The following RNF215 variants were observed in gnomAD, a reference collection of about 807,000 sequenced individuals.
The protein encoded by RNF215 is ring finger protein 215.
A neutral mutation model predicts 44.8 loss-of-function variants in RNF215; 41 were observed. That is an observed-to-expected ratio of 0.92 (90% CI 0.71 to 1.19). The LOEUF is 1.19. Among genes scored for constraint, RNF215 ranks in the 50% most tolerant of loss-of-function variants. The probability of loss-of-function intolerance (pLI) is 0.00; values close to 1 mark genes in which losing one functional copy is unlikely to be tolerated. For missense variants in RNF215, 452 were observed against 496.2 expected (o/e 0.91, Z 0.85); for synonymous variants, 218 against 230.1 (o/e 0.95, Z 0.48).
At chr22:30,382,404 CAAA>C (rs796940204) in intron 5 of RNF215, among the ~76,000 whole-genome samples, 23 of 65,740 alleles carry the variant, frequency 3.5e-4, no homozygotes, top group Admixed American at 3.0e-3. Context: ...AACTCTGTCT[CAAA>C]AAAAAAAAAA....
In RNF215 at chr22:30,379,818, A is replaced by G; in HGVS notation, c.1009-5T>C. 1 of 1,573,854 alleles carries G rather than the reference A, an allele frequency of 6.4e-7. No individual in the cohort carries two copies. Among genetic ancestry groups the G allele is most frequent in the Non-Finnish European group, 8.6e-7 (1 of 1,161,536 alleles). ...ACAGGGCAGCACCCGGAGCCACTAC[A>G]GGGGTGGGGGAGGAAGGGCTCAGGT... On this transcript the variant is annotated splice_polypyrimidine_tract_variant and splice_region_variant and intron_variant, in intron 7 of 8. Coordinates refer to ENST00000382363, the MANE Select transcript of RNF215 (RefSeq NM_001017981.2).
At chr22:30,385,785 C>CAAAA in intron 4 of RNF215, 119 bp downstream of exon 4, 1 of 707,104 alleles carries the variant, frequency 1.4e-6, no homozygotes, top group Non-Finnish European at 2.3e-6. Flanking sequence ...TACTCCATCT[C>CAAAA]AAAAAAAAAA....
rs748838851 is a variant in RNF215 at position 30,380,440 on chromosome 22, C to A, written c.745-39G>T. On this transcript the variant is annotated intron_variant, in intron 5 of 8. Transcript: ENST00000382363. The surrounding 1 kb of genome is among the most constrained non-coding windows in gnomAD (Gnocchi z 5.3). ...CAGTCATCAGGGACATGGGGCCACC[C>A]CCACACGCCTCCCTTAGGAACATCT... is the stretch of plus-strand genomic sequence containing the variant. The A allele has an allele frequency of 1.9e-6, 3 of 1,564,120 alleles. No individual in the cohort carries two copies. Among genetic ancestry groups the A allele is most frequent in the African/African-American group, 2.7e-5 (2 of 73,418 alleles).
intron 5 of RNF215, 23 bp downstream of exon 5, chr22:30,384,316 C>T (rs944342969): frequency 2.5e-5 from 40 of 1,604,828 alleles, no homozygotes; most frequent in Non-Finnish European, 3.4e-5. Flanking sequence ...TCCCTAGGCC[C>T]CATGTAATCT....
At position 30,380,135 on chromosome 22, in the gene RNF215, C is replaced by A. The variant is rs1166692534; in HGVS notation, c.935G>T (p.Arg312Met). ...CGGATCTGGGAGGCCCTGCGCTGCCCTGCTCAGCCGGCAGCGCCGTGTCTT... is the reference window on the plus strand; with the variant it reads ...CGGATCTGGGAGGCCCTGCGCTGCCATGCTCAGCCGGCAGCGCCGTGTCTT... ...SLKTRRCRLS[R>M]AAQGLPDPGA... The change falls in exon 7 of 9, where the codon AGG becomes ATG. Residue 312 changes from arginine to methionine, a missense_variant. Physicochemically the swap from Arg to Met is moderately conservative, Grantham distance 91 (BLOSUM62 -1). Coordinates refer to ENST00000382363, the MANE Select transcript of RNF215 (RefSeq NM_001017981.2). This position sits in a 1 kb window ranked among gnomAD's most constrained non-coding sequence, Gnocchi z 5.3. The A allele has an allele frequency of 1.2e-6, 2 of 1,613,884 alleles. No individual in the cohort carries two copies. Among genetic ancestry groups the A allele is most frequent in the Admixed American group, 1.7e-5 (1 of 60,028 alleles).
At position 30,384,441 on chromosome 22, in the gene RNF215, G is replaced by A. The variant is rs374774110; in HGVS notation, c.642C>T (p.Ile214=). The A allele has an allele frequency of 2.4e-5, 39 of 1,613,914 alleles. No individual in the cohort carries two copies. The highest frequency in any genetic ancestry group is 2.9e-5 in the Non-Finnish European group (34 of 1,179,966). The stretch of plus-strand genomic sequence containing the variant: ...TGGTCCACAAGGTCAACTTCCACTC[G>A]ATATTGGCAGACAGGGACTCTCCGC... The part of the protein sequence containing the change: ...ITSGESLSAN[I]EWKLTLWTTC... The change falls in exon 5 of 9, where the codon ATC becomes ATT. Residue 214 remains isoleucine, a synonymous_variant. Transcript: ENST00000382363.
chr22:30,381,932 G>A (rs1366033013), intron 5 of RNF215, among the ~76,000 whole-genome samples: 1 of 152,146 alleles, frequency 6.6e-6, no homozygotes, highest in Non-Finnish European at 1.5e-5. Flanking sequence ...AGGGTGCCGG[G>A]GCCACCACCA....
In RNF215 at chr22:30,384,019, A is replaced by G. The variant is rs145964777; in HGVS notation, c.744+320T>C. ...GAGCATAGGAAAAAGGACTAGAAAA[A>G]TAGAGTGAGTGAGTGATGCAGAGAG... On this transcript the variant is annotated intron_variant, in intron 5 of 8. Transcript: ENST00000382363. 2.3e-3 allele frequency among the ~76,000 whole-genome samples: 355 copies of G among 152,326 alleles called. 1 individual carries two copies. Among genetic ancestry groups the G allele is most frequent in the Non-Finnish European group, 4.3e-3 (294 of 68,030 alleles).
chr22:30,383,228 T>C (rs1468023126), intron 5 of RNF215, among the ~76,000 whole-genome samples: 2 of 152,096 alleles, frequency 1.3e-5, no homozygotes, highest in Non-Finnish European at 1.5e-5. Flanking sequence ...TTAGTGGCCA[T>C]GGCCACCCAA....
intron 5 of RNF215, among the ~76,000 whole-genome samples, chr22:30,384,021 A>T (rs892629418): frequency 2.0e-5 from 3 of 152,200 alleles, no homozygotes; most frequent in African/African-American, 4.8e-5. Context: ...CTAGAAAAAT[A>T]GAGTGAGTGA....
chr22:30,379,826 G>C lies in RNF215; in HGVS notation c.1009-13C>G, dbSNP rs202192504. 3.8e-6 allele frequency: 6 copies of C among 1,573,276 alleles called. No individual in the cohort carries two copies. The Admixed American group carries it at 1.1e-4, about 30-fold the overall frequency. On this transcript the variant is annotated splice_polypyrimidine_tract_variant and intron_variant, in intron 7 of 8. Transcript: ENST00000382363. ...GCACCCGGAGCCACTACAGGGGTGG[G>C]GGAGGAAGGGCTCAGGTCACCGAAG...
chr22:30,380,374 T>A lies in RNF215; in HGVS notation c.772A>T (p.Ile258Phe), dbSNP rs760995860. Residue 258 changes from isoleucine to phenylalanine, a missense_variant, in exon 6 of 9, where the codon ATC becomes TTC. Coordinates refer to ENST00000382363, the MANE Select transcript of RNF215 (RefSeq NM_001017981.2). This position sits in a 1 kb window ranked among gnomAD's most constrained non-coding sequence, Gnocchi z 5.3. ...QKPLQQLWNAILLVAMLLCTG... is the reference protein window; with the variant it reads ...QKPLQQLWNAFLLVAMLLCTG... ...CACAGGAGCATGGCCACCAGCAGGA[T>A]GGCGTTCCACAGCTGCTGCAGGGGT... 2.5e-6 allele frequency: 4 copies of A among 1,609,044 alleles called. No individual in the cohort carries two copies. The highest frequency in any genetic ancestry group is 1.3e-5 in the African/African-American group (1 of 74,772).
chr22:30,385,870 G>T (rs762003319), intron 4 of RNF215, 34 bp downstream of exon 4: 1 of 1,595,914 alleles, frequency 6.3e-7, no homozygotes, highest in Non-Finnish European at 8.6e-7. Context: ...TCTGTACCCA[G>T]GGTCAGTCCT....
chr22:30,380,262 T>A lies in RNF215; in HGVS notation c.864+20A>T. ...GTCCAAGGGCTGAGGGTGCTGGGGC[T>A]CCCTGGGGCTGGCTCCCACCTGGCC... On this transcript the variant is annotated intron_variant, in intron 6 of 8. Transcript: ENST00000382363. The surrounding 1 kb of genome is among the most constrained non-coding windows in gnomAD (Gnocchi z 5.3). 1 of 1,610,676 alleles carries A rather than the reference T, an allele frequency of 6.2e-7. No homozygotes were observed. The highest frequency in any genetic ancestry group is 8.5e-7 in the Non-Finnish European group (1 of 1,178,068).
chr22:30,384,741 G>C (rs556030980), intron 4 of RNF215: 27 of 398,600 alleles, frequency 6.8e-5, no homozygotes, highest in Non-Finnish European at 1.1e-4. Flanking sequence ...CCACTTCCTT[G>C]CTCCAAGCTC....
intron 5 of RNF215, among the ~76,000 whole-genome samples, chr22:30,382,643 C>T (rs965869957): frequency 6.6e-6 from 1 of 152,092 alleles, no homozygotes; most frequent in African/African-American, 2.4e-5. Flanking sequence ...AAAGTGTGGC[C>T]GGCCTGAAGC....
chr22:30,386,991 G>A (rs1343897563), intron 1 of RNF215, 38 bp downstream of exon 1: 2 of 1,535,168 alleles, frequency 1.3e-6, no homozygotes, highest in South Asian at 1.2e-5. Flanking sequence ...TTGAGAGAGG[G>A]GTTTAGTGAT....
rs1048739123 is a variant in RNF215, at chr22:30,379,074, G to C, written c.*526C>G. Reference sequence around the variant, plus strand: ...CAGGCAGTGGGACCCATGGCTCCCAGTGCTTGAGGACCAAAGGCAACAGGC... The same window carrying C: ...CAGGCAGTGGGACCCATGGCTCCCACTGCTTGAGGACCAAAGGCAACAGGC... On this transcript the variant is annotated 3_prime_UTR_variant, in exon 9 of 9. Transcript: ENST00000382363. The C allele has an allele frequency of 1.3e-5, 2 of 159,652 alleles. No individual in the cohort carries two copies. The highest frequency in any genetic ancestry group is 2.8e-5 in the Non-Finnish European group (2 of 72,220). The allele number at this position is 159,652 out of a possible 1,614,324, so 9.9% of individuals were successfully genotyped here. A position where few individuals can be genotyped will look rare whatever the true frequency, so the allele number is the denominator to read the frequency against.
At position 30,379,639 on chromosome 22, in the gene RNF215, G is replaced by A. The variant is rs1274709497; in HGVS notation, c.1112-17C>T. On this transcript the variant is annotated splice_polypyrimidine_tract_variant and intron_variant, in intron 8 of 8. Coordinates refer to ENST00000382363, the MANE Select transcript of RNF215 (RefSeq NM_001017981.2). ...AGCGGTTCCCTGCAGGGGAGGGGAA[G>A]AAGAACAGGGAGAGAGGCATCAGGT... 3.2e-6 allele frequency: 5 copies of A among 1,551,800 alleles called. No homozygotes were observed. The highest frequency in any genetic ancestry group is 4.4e-6 in the Non-Finnish European group (5 of 1,147,122).
Sources: allele counts gnomAD v4.1 joint callset (sites outside exome capture counted in the v4.1 genomes callset), GRCh38; gene constraint gnomAD v4.1.1; non-coding constraint Gnocchi (gnomAD v3.1); transcripts MANE v1.5; gene names NCBI Gene and HGNC (gene_info 2026-07-23, HGNC 2026-07-21).